RBFOX1: variants seen among roughly 807,000 people sequenced by gnomAD.
RBFOX1 encodes the protein RNA binding protein fox-1 homolog 1.
Under a neutral mutation model 57.7 loss-of-function variants are expected in RBFOX1, and 8 were observed. That is an observed-to-expected ratio of 0.14 (90% CI 0.08 to 0.25). The LOEUF is 0.25. RBFOX1 is among the 10% of genes least tolerant of loss of function. The probability of loss-of-function intolerance (pLI) is 1.00; values close to 1 mark genes in which losing one functional copy is unlikely to be tolerated. For missense variants in RBFOX1, 611 were observed against 548.5 expected (o/e 1.11, Z -1.14); for synonymous variants, 326 against 222.4 (o/e 1.47, Z -4.15).
Position 7,414,860 on chromosome 16 carries a change from C to T in RBFOX1, c.28-103287C>T, listed in dbSNP as rs892516569. 7.7e-4 allele frequency among the ~76,000 whole-genome samples: 117 copies of T among 152,156 alleles called. 2 individuals carry two copies. Among genetic ancestry groups the T allele is most frequent in the Non-Finnish European group, 2.5e-4 (17 of 68,032 alleles). ...CTTGAACTCCTGACCTCAGGTGATCCGTTTCCTTCAGCCTTCTAAAATGCT... is the reference window on the plus strand; with the variant it reads ...CTTGAACTCCTGACCTCAGGTGATCTGTTTCCTTCAGCCTTCTAAAATGCT... On this transcript the variant is annotated intron_variant, in intron 4 of 15. Coordinates refer to ENST00000550418, the MANE Select transcript of RBFOX1 (RefSeq NM_018723.4).
chr16:5,399,260 C>G (rs994607886), intron 1 of RBFOX1, among the ~76,000 whole-genome samples: 1 of 152,262 alleles, frequency 6.6e-6, no homozygotes, highest in South Asian at 2.1e-4. Context: ...ATTATTAACT[C>G]TGGGGTTTGG....
intron 3 of RBFOX1, among the ~76,000 whole-genome samples, chr16:6,891,844 A>G (rs150295690): frequency 7.2e-5 from 11 of 152,328 alleles, no homozygotes; most frequent in Non-Finnish European, 1.2e-4. Flanking sequence ...TGATACCATT[A>G]TAGCTACTTA....
At chr16:6,241,651 C>A (rs1344984258) in intron 1 of RBFOX1, among the ~76,000 whole-genome samples, 1 of 152,122 alleles carries the variant, frequency 6.6e-6, no homozygotes, top group Non-Finnish European at 1.5e-5. Flanking sequence ...TACAGGGTGG[C>A]CATTACATTA....
chr16:6,298,959 A>G (rs749015540), intron 1 of RBFOX1, among the ~76,000 whole-genome samples: 25 of 152,262 alleles, frequency 1.6e-4, no homozygotes, highest in Middle Eastern at 3.4e-3. Flanking sequence ...ACTGGTATTC[A>G]TTGGTGACAG....
chr16:6,245,240 A>G (rs984239155), intron 1 of RBFOX1, among the ~76,000 whole-genome samples: 9 of 152,158 alleles, frequency 5.9e-5, no homozygotes, highest in African/African-American at 2.2e-4. Context: ...AGCAGAAATG[A>G]TGGCTTTAAA....
At chr16:6,950,683 T>C (rs1002341266) in intron 3 of RBFOX1, among the ~76,000 whole-genome samples, 1 of 152,052 alleles carries the variant, frequency 6.6e-6, no homozygotes, top group Non-Finnish European at 1.5e-5. Context: ...TCAGGTTGAG[T>C]TGAAGAATGA....
intron 3 of RBFOX1, among the ~76,000 whole-genome samples, chr16:5,684,662 G>A (rs1596744011): frequency 6.6e-6 from 1 of 152,176 alleles, no homozygotes; most frequent in South Asian, 2.1e-4. Context: ...GAATGATTCA[G>A]CCTTTTCATC....
intron 4 of RBFOX1, among the ~76,000 whole-genome samples, chr16:7,392,851 T>TTTGG (rs750233054): frequency 1.3e-3 from 157 of 120,376 alleles, no homozygotes; most frequent in Admixed American, 1.8e-3. Flanking sequence ...TTTGGTTTGG[T>TTTGG]TTGGTTTGTT....
At chr16:6,156,183 A>G (rs1160741900) in intron 1 of RBFOX1, among the ~76,000 whole-genome samples, 1 of 152,170 alleles carries the variant, frequency 6.6e-6, no homozygotes, top group South Asian at 2.1e-4. Context: ...TGTTTTTCCT[A>G]ATAGAGGTTT....
At chr16:5,609,086 G>T (rs1233841236) in intron 3 of RBFOX1, among the ~76,000 whole-genome samples, 1 of 152,184 alleles carries the variant, frequency 6.6e-6, no homozygotes, top group Admixed American at 6.5e-5. Context: ...CTGTAAGGGA[G>T]TTCAATATTC....
At chr16:5,759,402 A>T (rs941491017) in intron 3 of RBFOX1, among the ~76,000 whole-genome samples, 3 of 152,140 alleles carry the variant, frequency 2.0e-5, no homozygotes, top group African/African-American at 7.2e-5. Context: ...CACCTTGTAC[A>T]ATTCCTGACC....
At chr16:7,016,800 G>A (rs2093938506) in intron 3 of RBFOX1, among the ~76,000 whole-genome samples, 1 of 152,146 alleles carries the variant, frequency 6.6e-6, no homozygotes, top group South Asian at 2.1e-4. Context: ...ACAGGACGTG[G>A]TTACCCGCCA....
At chr16:5,586,746 C>T (rs910832249) in intron 2 of RBFOX1, among the ~76,000 whole-genome samples, 3 of 152,170 alleles carry the variant, frequency 2.0e-5, no homozygotes, top group Non-Finnish European at 4.4e-5. Context: ...GATCTCCCAC[C>T]TCTGCTTTCT....
intron 4 of RBFOX1, among the ~76,000 whole-genome samples, chr16:7,282,082 T>G (rs1359573545): frequency 6.6e-6 from 1 of 151,940 alleles, no homozygotes; most frequent in Non-Finnish European, 1.5e-5. Context: ...TTGCCCAAGC[T>G]CAACTCCTGA....
At chr16:5,316,500 C>T (rs2064242946) in intron 1 of RBFOX1, among the ~76,000 whole-genome samples, 1 of 152,192 alleles carries the variant, frequency 6.6e-6, no homozygotes, top group Admixed American at 6.5e-5. Context: ...ACACCCCCTC[C>T]ACAACGATAA....
chr16:7,205,535 G>A lies in RBFOX1; in HGVS notation c.27+153437G>A, dbSNP rs1045085433. Among the ~76,000 whole-genome samples the A allele has an allele frequency of 9.3e-4, 139 of 149,276 alleles. 2 individuals carry two copies. The highest frequency in any genetic ancestry group is 3.3e-3 in the African/African-American group (134 of 40,594). On this transcript the variant is annotated intron_variant, in intron 4 of 15. Coordinates refer to ENST00000550418, the MANE Select transcript of RBFOX1 (RefSeq NM_018723.4). ...CTCAGGAAAAAAAAAAAAAGAAAAAGAAAAAAAAGAAAACTTACGGAAATA... is the reference window on the plus strand; with the variant it reads ...CTCAGGAAAAAAAAAAAAAGAAAAAAAAAAAAAAGAAAACTTACGGAAATA...
chr16:7,356,427 A>C (rs1190376378), intron 4 of RBFOX1, among the ~76,000 whole-genome samples: 3 of 152,210 alleles, frequency 2.0e-5, no homozygotes, highest in African/African-American at 7.2e-5. Context: ...AAGAAGGAGC[A>C]TCCCACTGAG....
At chr16:7,446,415 C>G (rs565191039) in intron 4 of RBFOX1, among the ~76,000 whole-genome samples, 1 of 152,290 alleles carries the variant, frequency 6.6e-6, no homozygotes, top group African/African-American at 2.4e-5. Flanking sequence ...TCTAGTATAA[C>G]TAGACAATTA....
intron 3 of RBFOX1, among the ~76,000 whole-genome samples, chr16:6,788,696 C>G (rs1276783431): frequency 1.3e-5 from 2 of 151,864 alleles, no homozygotes; most frequent in Non-Finnish European, 1.5e-5. Flanking sequence ...AGGATGGTCT[C>G]TATCTCCTGA....
Sources: gnomAD v4.1 joint callset for allele counts (sites outside exome capture counted in the v4.1 genomes callset) on GRCh38, gnomAD v4.1.1 for gene constraint, MANE v1.5 for transcripts, NCBI Gene and HGNC (gene_info 2026-07-23, HGNC 2026-07-21) for gene names.